Variants in MIR2052HG observed in about 807,000 individuals in gnomAD.
MIR2052HG encodes the protein MIR2052 host gene.
At position 74,702,700 on chromosome 8, in the gene MIR2052HG, A is replaced by G. The variant is rs546469307; in HGVS notation, n.294+244A>G. On this transcript the variant is annotated intron_variant and non_coding_transcript_variant, in intron 3 of 6. Coordinates refer to ENST00000523442, the Ensembl canonical transcript of MIR2052HG. Reference sequence around the variant, plus strand: ...TGTGAGAAGATATTCTGAAGTACCAAGAAAGGAAGAGCACTACATTAGACT... The same window carrying G: ...TGTGAGAAGATATTCTGAAGTACCAGGAAAGGAAGAGCACTACATTAGACT... Among the ~76,000 whole-genome samples, 27 of 152,282 alleles carry G rather than the reference A, an allele frequency of 1.8e-4. 1 individual carries two copies. Among genetic ancestry groups the G allele is most frequent in the African/African-American group, 5.5e-4 (23 of 41,568 alleles).
intron 4 of MIR2052HG, among the ~76,000 whole-genome samples, chr8:74,709,507 TA>T (rs2128741609): frequency 6.6e-6 from 1 of 152,244 alleles, no homozygotes; most frequent in East Asian, 1.9e-4. Context: ...AGGAAAATGT[TA>T]CTCCTTTTCA....
chr8:74,611,416 A>T (rs75094857), intron 1 of MIR2052HG, among the ~76,000 whole-genome samples: 10,172 of 152,114 alleles, frequency 0.067, 425 homozygotes, highest in African/African-American at 0.1. Context: ...GGCGATTTTT[A>T]AAAAAATTAC....
At chr8:74,756,168 G>T (rs1586933117) in intron 5 of MIR2052HG, among the ~76,000 whole-genome samples, 1 of 152,138 alleles carries the variant, frequency 6.6e-6, no homozygotes, top group East Asian at 1.9e-4. Flanking sequence ...TCATTACAAA[G>T]AATACAAGTC....
chr8:74,693,718 A>G (rs1809266603), intron 2 of MIR2052HG, among the ~76,000 whole-genome samples: 4 of 151,888 alleles, frequency 2.6e-5, no homozygotes, highest in South Asian at 2.1e-4. Flanking sequence ...GGCAACCTGT[A>G]TGACACAGCG....
intron 2 of MIR2052HG, among the ~76,000 whole-genome samples, chr8:74,699,964 A>T (rs747195053): frequency 2.6e-5 from 4 of 152,178 alleles, no homozygotes; most frequent in Non-Finnish European, 5.9e-5. Flanking sequence ...TTGGTTAGCT[A>T]TGGTAACTAA....
At chr8:74,658,065 C>T (rs2128736707) in intron 2 of MIR2052HG, among the ~76,000 whole-genome samples, 1 of 152,300 alleles carries the variant, frequency 6.6e-6, no homozygotes, top group South Asian at 2.1e-4. Flanking sequence ...GGATTCTTGC[C>T]TGAGGGCCTT....
At chr8:74,741,467 A>C (rs968949456) in intron 4 of MIR2052HG, among the ~76,000 whole-genome samples, 1 of 152,168 alleles carries the variant, frequency 6.6e-6, no homozygotes, top group African/African-American at 2.4e-5. Context: ...TTTCAGCTTC[A>C]AAATAACTCT....
intron 2 of MIR2052HG, among the ~76,000 whole-genome samples, chr8:74,641,814 G>A (rs1044899188): frequency 2.0e-5 from 3 of 152,116 alleles, no homozygotes; most frequent in Non-Finnish European, 2.9e-5. Context: ...TTTAAAGTAT[G>A]CTTTTAAGTC....
At chr8:74,656,263 G>C (rs1281557664) in intron 2 of MIR2052HG, among the ~76,000 whole-genome samples, 1 of 152,124 alleles carries the variant, frequency 6.6e-6, no homozygotes, top group African/African-American at 2.4e-5. Context: ...CTGTTGGGAA[G>C]GCATGATTGG....
At chr8:74,639,278 A>G (rs1456936413) in intron 2 of MIR2052HG, among the ~76,000 whole-genome samples, 1 of 152,182 alleles carries the variant, frequency 6.6e-6, no homozygotes. Context: ...ATTTAGTTAA[A>G]GTTGAATCTG....
intron 2 of MIR2052HG, among the ~76,000 whole-genome samples, chr8:74,672,677 G>C (rs1370581007): frequency 6.6e-6 from 1 of 152,020 alleles, no homozygotes; most frequent in Non-Finnish European, 1.5e-5. Context: ...TCATAAAAAT[G>C]TCACTTTCCT....
At chr8:74,695,959 C>A (rs1241772220) in intron 2 of MIR2052HG, among the ~76,000 whole-genome samples, 1 of 152,064 alleles carries the variant, frequency 6.6e-6, no homozygotes, top group Non-Finnish European at 1.5e-5. Context: ...AAACTATACC[C>A]TAGAACAAAT....
intron 2 of MIR2052HG, among the ~76,000 whole-genome samples, chr8:74,662,942 T>C (rs1808881782): frequency 6.6e-6 from 1 of 151,960 alleles, no homozygotes; most frequent in South Asian, 2.1e-4. Flanking sequence ...AAAAAACAGA[T>C]ACTTTTTAAA....
intron 2 of MIR2052HG, among the ~76,000 whole-genome samples, chr8:74,657,224 G>A (rs957869239): frequency 6.6e-6 from 1 of 152,204 alleles, no homozygotes; most frequent in African/African-American, 2.4e-5. Flanking sequence ...CAGAATCCAA[G>A]CACCCTCTTT....
At chr8:74,736,845 T>C (rs1356814613) in intron 4 of MIR2052HG, among the ~76,000 whole-genome samples, 2 of 152,180 alleles carry the variant, frequency 1.3e-5, no homozygotes, top group South Asian at 2.1e-4. Context: ...AGAGGCTGCA[T>C]AGGGCCCTCC....
intron 4 of MIR2052HG, among the ~76,000 whole-genome samples, chr8:74,734,114 C>T (rs540638029): frequency 6.6e-6 from 1 of 152,304 alleles, no homozygotes; most frequent in African/African-American, 2.4e-5. Flanking sequence ...CCAGAATCTA[C>T]AATGAACTCA....
chr8:74,726,475 T>A (rs1809637616), intron 4 of MIR2052HG, among the ~76,000 whole-genome samples: 1 of 152,204 alleles, frequency 6.6e-6, no homozygotes, highest in Non-Finnish European at 1.5e-5. Context: ...ATTCTTGAAA[T>A]CTCTCCTTTC....
At chr8:74,641,171 C>G (rs376502571) in intron 2 of MIR2052HG, among the ~76,000 whole-genome samples, 19 of 152,238 alleles carry the variant, frequency 1.2e-4, no homozygotes, top group South Asian at 1.0e-3. Flanking sequence ...AATGAAACAG[C>G]CTTCCTATTA....
intron 2 of MIR2052HG, among the ~76,000 whole-genome samples, chr8:74,652,760 A>G (rs1158743413): frequency 1.3e-5 from 2 of 152,170 alleles, no homozygotes; most frequent in Non-Finnish European, 2.9e-5. Context: ...TCAGATTCCT[A>G]TCAAATTACC....
Sources: gnomAD v4.1 joint callset for allele counts (sites outside exome capture counted in the v4.1 genomes callset) on GRCh38, gnomAD v4.1.1 for gene constraint, MANE v1.5 for transcripts, NCBI Gene and HGNC (gene_info 2026-07-23, HGNC 2026-07-21) for gene names.